The following NKAIN2 variants were observed in gnomAD, a reference collection of about 807,000 sequenced individuals.
NKAIN2 encodes the protein sodium/potassium transporting ATPase interacting 2.
Under a neutral mutation model 32.6 loss-of-function variants are expected in NKAIN2, and 14 were observed. The ratio of observed to expected loss-of-function variants is 0.43; its 90% CI spans 0.28 to 0.67. The LOEUF is 0.67. Ranked by LOEUF, NKAIN2 falls within the 30% of genes least tolerant of loss-of-function variation. The pLI is 0.17. For synonymous variants in NKAIN2, 80 were observed against 87.2 expected (o/e 0.92, Z 0.46); for missense variants, 198 against 258.3 (o/e 0.77, Z 1.60).
chr6:123,949,208 CTACCTGACT>C (rs1370181093), intron 1 of NKAIN2, among the ~76,000 whole-genome samples: 2 of 151,926 alleles, frequency 1.3e-5, no homozygotes, highest in African/African-American at 4.8e-5. Context: ...AGGCATCATA[CTACCTGACT>C]TGAGTAAGGT....
chr6:124,668,199 TTA>T (rs1386833900), intron 4 of NKAIN2, among the ~76,000 whole-genome samples: 1 of 152,190 alleles, frequency 6.6e-6, no homozygotes, highest in Non-Finnish European at 1.5e-5. Context: ...TTACACTTTA[TTA>T]TACTCAAGGA....
intron 2 of NKAIN2, among the ~76,000 whole-genome samples, chr6:124,283,424 A>G (rs1795395556): frequency 6.6e-6 from 1 of 152,180 alleles, no homozygotes; most frequent in African/African-American, 2.4e-5. Context: ...CTATGTTTCT[A>G]CATTATAAAG....
rs180990278 is a variant in NKAIN2, at chr6:124,600,315, A to T, written c.274-57871A>T. On this transcript the variant is annotated intron_variant, in intron 3 of 6. Coordinates refer to ENST00000368417, the MANE Select transcript of NKAIN2 (RefSeq NM_001040214.3). ...ACTATTTTTCAAGGCAAGCCATAAA[A>T]ACATGTGAAACCAACAGCATATTTA... Among the ~76,000 whole-genome samples, 627 of 152,266 alleles carry T rather than the reference A, an allele frequency of 4.1e-3. 2 individuals carry two copies. The highest frequency in any genetic ancestry group is 7.2e-3 in the Non-Finnish European group (493 of 68,020).
intron 1 of NKAIN2, among the ~76,000 whole-genome samples, chr6:123,851,634 C>T (rs1326319721): frequency 6.6e-6 from 1 of 152,076 alleles, no homozygotes. Flanking sequence ...CAAGTGTTTC[C>T]TTGTCTCCAC....
chr6:124,470,259 G>A (rs1776919935), intron 3 of NKAIN2, among the ~76,000 whole-genome samples: 1 of 152,114 alleles, frequency 6.6e-6, no homozygotes. Context: ...GAAGACTGCA[G>A]GAGCCTGGCC....
At chr6:124,296,224 G>A (rs1796049467) in intron 2 of NKAIN2, among the ~76,000 whole-genome samples, 1 of 151,926 alleles carries the variant, frequency 6.6e-6, no homozygotes, top group Non-Finnish European at 1.5e-5. Flanking sequence ...ATGCTAGTTT[G>A]CTTTGAGTTA....
intron 1 of NKAIN2, among the ~76,000 whole-genome samples, chr6:124,105,954 A>G (rs1465345218): frequency 6.6e-6 from 1 of 152,210 alleles, no homozygotes; most frequent in East Asian, 1.9e-4. Flanking sequence ...TCACTATTTT[A>G]TACATGGGAA....
intron 1 of NKAIN2, among the ~76,000 whole-genome samples, chr6:123,845,222 A>T: frequency 6.6e-6 from 1 of 152,188 alleles, no homozygotes; most frequent in Non-Finnish European, 1.5e-5. Context: ...ATAAAATGTG[A>T]TATCTTCTAT....
At chr6:123,841,456 T>C (rs9490963) in intron 1 of NKAIN2, among the ~76,000 whole-genome samples, 3,231 of 152,334 alleles carry the variant, frequency 0.021, 109 homozygotes, top group African/African-American at 0.072. Context: ...TAACACTATA[T>C]ATTACAGTCC....
In NKAIN2 at chr6:123,904,220, A is replaced by C. The variant is rs9372766; in HGVS notation, c.54+99966A>C. 4.6e-5 allele frequency among the ~76,000 whole-genome samples: 7 copies of C among 152,134 alleles called. No individual in the cohort carries two copies. The East Asian group carries it at 1.4e-3, about 29-fold the overall frequency. ...CACTCCAGCCTGGGCAACAAGAGTG[A>C]AACTCTGCTTAAAAAAAAAAGAAAA... On this transcript the variant is annotated intron_variant, in intron 1 of 6. Coordinates refer to ENST00000368417, the MANE Select transcript of NKAIN2 (RefSeq NM_001040214.3).
At chr6:124,191,780 C>T (rs1010598475) in intron 1 of NKAIN2, among the ~76,000 whole-genome samples, 4 of 152,152 alleles carry the variant, frequency 2.6e-5, no homozygotes, top group African/African-American at 9.6e-5. Flanking sequence ...TCCTAGTTCA[C>T]TAAGAATTTT....
At chr6:124,688,554 T>C (rs529447519) in intron 4 of NKAIN2, among the ~76,000 whole-genome samples, 179 of 152,208 alleles carry the variant, frequency 1.2e-3, no homozygotes, top group African/African-American at 4.2e-3. Context: ...TTTGTAATAA[T>C]AACATGTATC....
At chr6:124,362,110 A>T (rs1252206314) in intron 3 of NKAIN2, among the ~76,000 whole-genome samples, 1 of 152,096 alleles carries the variant, frequency 6.6e-6, no homozygotes, top group East Asian at 1.9e-4. Context: ...TACCTATAAT[A>T]ATTGATTTAA....
At chr6:123,824,961 G>T (rs761065243) in intron 1 of NKAIN2, among the ~76,000 whole-genome samples, 16 of 152,112 alleles carry the variant, frequency 1.1e-4, no homozygotes, top group African/African-American at 3.6e-4. Flanking sequence ...ACCCATTTGG[G>T]CTGCTGTGAC....
At chr6:124,738,032 C>T (rs1055874304) in intron 4 of NKAIN2, among the ~76,000 whole-genome samples, 1 of 151,820 alleles carries the variant, frequency 6.6e-6, no homozygotes, top group African/African-American at 2.4e-5. Context: ...AAATTCAAGC[C>T]AGCTACAGAA....
chr6:124,189,186 A>G (rs1462710743), intron 1 of NKAIN2, among the ~76,000 whole-genome samples: 3 of 152,206 alleles, frequency 2.0e-5, no homozygotes, highest in Non-Finnish European at 4.4e-5. Flanking sequence ...AAACCATGAG[A>G]TTATTCAGAT....
rs1472809845 is a variant in NKAIN2, at chr6:123,918,646, G to A, written c.54+114392G>A. Among the ~76,000 whole-genome samples, 5 of 152,250 alleles carry A rather than the reference G, an allele frequency of 3.3e-5. No homozygotes were observed. In the South Asian group the frequency reaches 1.0e-3, roughly 32 times the overall value. On this transcript the variant is annotated intron_variant, in intron 1 of 6. Transcript: ENST00000368417. Reference sequence around the variant, plus strand: ...TATGAGATTAATATTTAAATCACTGGACTGAGTAAATCAGATTACCCTTCA... The same window carrying A: ...TATGAGATTAATATTTAAATCACTGAACTGAGTAAATCAGATTACCCTTCA...
At position 124,240,857 on chromosome 6, in the gene NKAIN2, C is replaced by T. The variant is rs113234926; in HGVS notation, c.55-42148C>T. On this transcript the variant is annotated intron_variant, in intron 1 of 6. Coordinates refer to ENST00000368417, the MANE Select transcript of NKAIN2 (RefSeq NM_001040214.3). ...ACAAGACAGGGATACCCTCTCTCAC[C>T]ACTCCTATTCAACATAGTTGGAAGT... 4.1e-3 allele frequency among the ~76,000 whole-genome samples: 624 copies of T among 152,186 alleles called. 5 individuals are homozygous for T. The highest frequency in any genetic ancestry group is 0.014 in the African/African-American group (580 of 41,528).
chr6:124,145,811 A>G (rs1393458372), intron 1 of NKAIN2, among the ~76,000 whole-genome samples: 1 of 152,002 alleles, frequency 6.6e-6, no homozygotes, highest in Non-Finnish European at 1.5e-5. Flanking sequence ...GGCCTGACAA[A>G]CTTTTAGTCA....
Sources: gnomAD v4.1 joint callset for allele counts (sites outside exome capture counted in the v4.1 genomes callset) on GRCh38, gnomAD v4.1.1 for gene constraint, MANE v1.5 for transcripts, NCBI Gene and HGNC (gene_info 2026-07-23, HGNC 2026-07-21) for gene names.